Variants in CTNNA3 observed in about 807,000 individuals in gnomAD.
CTNNA3 encodes catenin alpha-3.
CTNNA3 carries 76 observed loss-of-function variants against 95.7 expected under a neutral mutation model. The ratio of observed to expected loss-of-function variants is 0.79; its 90% CI spans 0.66 to 0.96. The LOEUF is 0.96. Ranked by LOEUF, CTNNA3 falls within the 40% of genes least tolerant of loss-of-function variation. The pLI is 0.00. For synonymous variants in CTNNA3, 431 were observed against 374.4 expected (o/e 1.15, Z -1.74); for missense variants, 1,191 against 1,089.8 (o/e 1.09, Z -1.31).
chr10:66,063,518 A>G (rs1285480562), intron 15 of CTNNA3, among the ~76,000 whole-genome samples: 1 of 151,372 alleles, frequency 6.6e-6, no homozygotes, highest in African/African-American at 2.4e-5. Flanking sequence ...TTTTAGAGAG[A>G]GATTTCTTCC....
intron 11 of CTNNA3, among the ~76,000 whole-genome samples, chr10:66,420,343 CCAGTT>C (rs1309202497): frequency 1.3e-5 from 2 of 152,236 alleles, no homozygotes; most frequent in Admixed American, 1.3e-4. Context: ...TTATCTTACT[CCAGTT>C]AGGATGGCTA....
chr10:66,892,080 TAA>T (rs1305628842), intron 7 of CTNNA3, among the ~76,000 whole-genome samples: 2 of 152,112 alleles, frequency 1.3e-5, no homozygotes, highest in Admixed American at 6.5e-5. Flanking sequence ...TTAAAATTAT[TAA>T]AATTTTAGAC....
At chr10:67,428,457 T>C (rs972656241) in intron 5 of CTNNA3, among the ~76,000 whole-genome samples, 4 of 152,094 alleles carry the variant, frequency 2.6e-5, no homozygotes, top group Non-Finnish European at 5.9e-5. Flanking sequence ...AATAGGTTTT[T>C]CCAGGAACAC....
intron 14 of CTNNA3, among the ~76,000 whole-genome samples, chr10:66,081,413 A>G (rs2080756577): frequency 6.6e-6 from 1 of 152,144 alleles, no homozygotes; most frequent in South Asian, 2.1e-4. Context: ...GGAGTTCAAG[A>G]CCAGACTGGC....
chr10:67,286,648 G>A (rs1477403710), intron 5 of CTNNA3, among the ~76,000 whole-genome samples: 2 of 151,834 alleles, frequency 1.3e-5, no homozygotes, highest in Non-Finnish European at 2.9e-5. Context: ...CTTAAAATTG[G>A]TACCCAAAAA....
intron 13 of CTNNA3, among the ~76,000 whole-genome samples, chr10:66,201,783 C>CTTTTTTTTTTTTTTTTT (rs1236010501): frequency 1.4e-4 from 11 of 79,376 alleles, no homozygotes; most frequent in African/African-American, 2.1e-4. Flanking sequence ...TTTACTTTTT[C>CTTTTTTTTTTTTTTTTT]TTTTTTTTTT....
At chr10:66,982,376 C>T (rs1345801954) in intron 7 of CTNNA3, among the ~76,000 whole-genome samples, 1 of 152,152 alleles carries the variant, frequency 6.6e-6, no homozygotes, top group Non-Finnish European at 1.5e-5. Context: ...GTGACTCAGG[C>T]AAGTTACTAA....
chr10:66,344,818 TATC>T (rs1311148447), intron 12 of CTNNA3, among the ~76,000 whole-genome samples: 3 of 152,046 alleles, frequency 2.0e-5, no homozygotes, highest in Admixed American at 6.5e-5. Flanking sequence ...AATATGGCCT[TATC>T]ATATTCCTGC....
chr10:66,167,147 A>G (rs891863494), intron 13 of CTNNA3, among the ~76,000 whole-genome samples: 3 of 152,200 alleles, frequency 2.0e-5, no homozygotes, highest in African/African-American at 7.2e-5. Context: ...ATGAAATAAG[A>G]GAAAGGGACA....
At chr10:67,090,943 T>C (rs977316639) in intron 7 of CTNNA3, among the ~76,000 whole-genome samples, 2 of 152,082 alleles carry the variant, frequency 1.3e-5, no homozygotes, top group Non-Finnish European at 2.9e-5. Flanking sequence ...ATCAACTGCC[T>C]TAACACTTAG....
intron 3 of CTNNA3, among the ~76,000 whole-genome samples, chr10:67,549,119 T>C (rs900885101): frequency 6.6e-6 from 1 of 152,100 alleles, no homozygotes; most frequent in African/African-American, 2.4e-5. Context: ...GCACATTTCT[T>C]GTGTAGTCAA....
At chr10:66,030,746 A>G (rs1476988265) in intron 15 of CTNNA3, among the ~76,000 whole-genome samples, 1 of 152,156 alleles carries the variant, frequency 6.6e-6, no homozygotes, top group East Asian at 1.9e-4. Flanking sequence ...ACAGCAAAAT[A>G]AATTACCAAC....
At chr10:66,446,653 T>C (rs2093424279) in intron 11 of CTNNA3, among the ~76,000 whole-genome samples, 1 of 152,132 alleles carries the variant, frequency 6.6e-6, no homozygotes, top group African/African-American at 2.4e-5. Flanking sequence ...CTCAATAAAT[T>C]ACGTATTGAT....
intron 11 of CTNNA3, among the ~76,000 whole-genome samples, chr10:66,463,282 G>A (rs929010930): frequency 6.6e-6 from 1 of 152,074 alleles, no homozygotes; most frequent in Non-Finnish European, 1.5e-5. Flanking sequence ...TAGTTCCTTT[G>A]AGAACGGATT....
Position 66,280,500 on chromosome 10 carries a change from A to G in CTNNA3, c.1854T>C (p.His618=). 1 of 1,608,190 alleles carries G rather than the reference A, an allele frequency of 6.2e-7. No homozygotes were observed. Among genetic ancestry groups the G allele is most frequent in the East Asian group, 2.2e-5 (1 of 44,508 alleles). The change falls in exon 13 of 18, where the codon CAT becomes CAC. Residue 618 remains histidine, a synonymous_variant. Transcript: ENST00000433211. ...TCATCATGACTGAACATCTGATATC[A>G]TGAATTGTATCATAGATCTTCTTTG... ...DISKKIYDTI[H]DIRCSVMMIR...
intron 12 of CTNNA3, among the ~76,000 whole-genome samples, chr10:66,319,168 A>T (rs2092148010): frequency 6.6e-6 from 1 of 152,090 alleles, no homozygotes; most frequent in Admixed American, 6.5e-5. Context: ...AATGGGAATA[A>T]TTACTTGATC....
At chr10:67,605,987 T>A (rs1843260694) in intron 3 of CTNNA3, among the ~76,000 whole-genome samples, 1 of 152,150 alleles carries the variant, frequency 6.6e-6, no homozygotes, top group African/African-American at 2.4e-5. Context: ...TTTTTTTAAA[T>A]CCCCTGTATC....
intron 7 of CTNNA3, among the ~76,000 whole-genome samples, chr10:66,918,104 A>T (rs937986116): frequency 6.6e-6 from 1 of 152,228 alleles, no homozygotes; most frequent in Non-Finnish European, 1.5e-5. Context: ...AAGTGACTAC[A>T]AATGAATTTT....
chr10:66,711,257 A>AC (rs1848282144), intron 9 of CTNNA3, among the ~76,000 whole-genome samples: 1 of 122,436 alleles, frequency 8.2e-6, no homozygotes, highest in Admixed American at 8.9e-5. Flanking sequence ...TGAACAAGAA[A>AC]CAAAAAAAAA....
Sources: allele counts gnomAD v4.1 joint callset (sites outside exome capture counted in the v4.1 genomes callset), GRCh38; gene constraint gnomAD v4.1.1; transcripts MANE v1.5; gene names NCBI Gene and HGNC (gene_info 2026-07-23, HGNC 2026-07-21).